Variants in SCFD2 observed in about 807,000 individuals in gnomAD.
The protein encoded by SCFD2 is sec1 family domain containing 2, also known as sec1 family domain-containing protein 2.
SCFD2 carries 54 observed loss-of-function variants against 58.9 expected under a neutral mutation model. That is an observed-to-expected ratio of 0.92 (90% confidence interval 0.74 to 1.15). SCFD2 has a LOEUF of 1.15. SCFD2 is among the 50% of genes most tolerant of loss of function. The probability of loss-of-function intolerance (pLI) is 0.00; values close to 1 mark genes in which losing one functional copy is unlikely to be tolerated. For synonymous variants in SCFD2, 321 were observed against 335.9 expected (o/e 0.96, Z 0.49); for missense variants, 805 against 836.6 (o/e 0.96, Z 0.47).
intron 4 of SCFD2, among the ~76,000 whole-genome samples, chr4:53,164,804 A>AAAAAGAAG (rs1553882340): frequency 2.5e-4 from 36 of 143,926 alleles, no homozygotes; most frequent in South Asian, 1.2e-3. Context: ...AAAAAAAAAA[A>AAAAAGAAG]AAGAAGAAGA....
intron 5 of SCFD2, among the ~76,000 whole-genome samples, chr4:53,105,276 G>A (rs888744070): frequency 4.6e-5 from 7 of 152,032 alleles, no homozygotes; most frequent in South Asian, 4.2e-4. Flanking sequence ...GGCAGACACC[G>A]AGCTAGCTTT....
chr4:53,092,382 G>T (rs547013410), intron 5 of SCFD2, among the ~76,000 whole-genome samples: 1 of 152,160 alleles, frequency 6.6e-6, no homozygotes, highest in African/African-American at 2.4e-5. Context: ...AAACAGTTGG[G>T]CAATTTCTTT....
At chr4:53,277,976 C>G (rs572504146) in intron 3 of SCFD2, among the ~76,000 whole-genome samples, 1 of 152,078 alleles carries the variant, frequency 6.6e-6, no homozygotes, top group Admixed American at 6.5e-5. Context: ...TGGCGTGAAC[C>G]CGGGAGGCGG....
At chr4:53,238,682 G>A (rs1368314131) in intron 4 of SCFD2, among the ~76,000 whole-genome samples, 4 of 151,820 alleles carry the variant, frequency 2.6e-5, no homozygotes, top group African/African-American at 7.3e-5. Flanking sequence ...CCTCCCAGAC[G>A]GGGTTGCGGC....
chr4:53,356,731 CTT>C (rs369411706), intron 1 of SCFD2, among the ~76,000 whole-genome samples: 1 of 112,904 alleles, frequency 8.9e-6, no homozygotes, highest in Non-Finnish European at 1.8e-5. Flanking sequence ...AACTTGTAGA[CTT>C]TTTTTTTTTT....
rs555384126 is a variant in SCFD2 at position 53,021,272 on chromosome 4, T to C, written c.1562-100402A>G. Among the ~76,000 whole-genome samples the C allele has an allele frequency of 7.2e-5, 11 of 152,318 alleles. No homozygotes were observed. The South Asian group carries it at 2.3e-3, about 32-fold the overall frequency. On this transcript the variant is annotated intron_variant, in intron 5 of 8. Transcript: ENST00000401642. ...TTTCAACAACACAAAATTGCAATTG[T>C]TTTTAAAAATGTATCTTTAAAAGGA...
intron 5 of SCFD2, among the ~76,000 whole-genome samples, chr4:53,106,902 G>A (rs531156465): frequency 1.1e-4 from 16 of 152,218 alleles, no homozygotes; most frequent in African/African-American, 3.6e-4. Context: ...CTCGAGAAGA[G>A]CAACCCCAAG....
chr4:53,136,743 ACCAGAAC>A (rs1725954952), intron 5 of SCFD2, among the ~76,000 whole-genome samples: 1 of 152,192 alleles, frequency 6.6e-6, no homozygotes, highest in South Asian at 2.1e-4. Context: ...CAGAGTCAAA[ACCAGAAC>A]CCAGATCCAC....
At chr4:53,028,918 AG>A (rs1254814734) in intron 5 of SCFD2, among the ~76,000 whole-genome samples, 3 of 152,236 alleles carry the variant, frequency 2.0e-5, no homozygotes, top group Non-Finnish European at 4.4e-5. Flanking sequence ...AGAGACAAGT[AG>A]GCAAGCAGGT....
chr4:53,288,328 G>A (rs1157599626), intron 3 of SCFD2, among the ~76,000 whole-genome samples: 2 of 152,222 alleles, frequency 1.3e-5, no homozygotes, highest in South Asian at 2.1e-4. Flanking sequence ...AGGCATAGAA[G>A]CTTATTTGAT....
At chr4:53,311,662 T>C (rs1267993680) in intron 3 of SCFD2, among the ~76,000 whole-genome samples, 1 of 151,140 alleles carries the variant, frequency 6.6e-6, no homozygotes, top group Admixed American at 6.6e-5. Flanking sequence ...TTTTAAACGG[T>C]GTCTCACTCT....
chr4:53,103,817 GA>G (rs1221538597), intron 5 of SCFD2, among the ~76,000 whole-genome samples: 1 of 23,692 alleles, frequency 4.2e-5, no homozygotes, highest in Non-Finnish European at 9.8e-5. Flanking sequence ...TGGGAGAAAA[GA>G]AAAAAAAATG....
chr4:53,287,757 G>A (rs1481658148), intron 3 of SCFD2, among the ~76,000 whole-genome samples: 2 of 152,088 alleles, frequency 1.3e-5, no homozygotes, highest in Non-Finnish European at 2.9e-5. Flanking sequence ...GGAAATTTAT[G>A]AATTGCCTAA....
At chr4:52,918,602 T>C (rs1451911871) in intron 6 of SCFD2, among the ~76,000 whole-genome samples, 1 of 152,182 alleles carries the variant, frequency 6.6e-6, no homozygotes, top group Non-Finnish European at 1.5e-5. Flanking sequence ...TCCTTATCCA[T>C]CCAATCCTAC....
intron 4 of SCFD2, among the ~76,000 whole-genome samples, chr4:53,231,233 C>A (rs575722177): frequency 6.6e-6 from 1 of 152,222 alleles, no homozygotes; most frequent in African/African-American, 2.4e-5. Flanking sequence ...CAGATGCTCA[C>A]GATCTGTGCT....
intron 5 of SCFD2, among the ~76,000 whole-genome samples, chr4:53,032,359 C>T (rs1157246031): frequency 1.3e-5 from 2 of 152,136 alleles, no homozygotes; most frequent in East Asian, 3.8e-4. Flanking sequence ...AGACCATTGA[C>T]ACTATGAAGA....
At chr4:53,152,904 C>A (rs1391407931) in intron 4 of SCFD2, among the ~76,000 whole-genome samples, 1 of 152,036 alleles carries the variant, frequency 6.6e-6, no homozygotes. Context: ...CCTTAATGCT[C>A]CAAAAAAAAA....
intron 3 of SCFD2, among the ~76,000 whole-genome samples, chr4:53,300,583 T>A (rs1277117502): frequency 6.6e-6 from 1 of 152,106 alleles, no homozygotes; most frequent in African/African-American, 2.4e-5. Context: ...TGAACGCAGC[T>A]CTGCACCAAG....
intron 5 of SCFD2, among the ~76,000 whole-genome samples, chr4:53,057,137 A>G (rs1286567456): frequency 6.6e-6 from 1 of 152,160 alleles, no homozygotes; most frequent in African/African-American, 2.4e-5. Context: ...GTGAGCTGAG[A>G]TCGCACCACT....
Sources: allele counts gnomAD v4.1 joint callset (sites outside exome capture counted in the v4.1 genomes callset), GRCh38; gene constraint gnomAD v4.1.1; transcripts MANE v1.5; gene names NCBI Gene and HGNC (gene_info 2026-07-23, HGNC 2026-07-21).